CAB39L: variants seen among roughly 807,000 people sequenced by gnomAD.
The protein encoded by CAB39L is calcium binding protein 39 like.
CAB39L carries 23 observed loss-of-function variants against 39.1 expected under a neutral mutation model. That is an observed-to-expected ratio of 0.59 (90% confidence interval 0.42 to 0.83). The LOEUF (loss-of-function observed/expected upper bound fraction) is 0.83. Among genes scored for constraint, CAB39L ranks in the 40% least tolerant of loss-of-function variants. The pLI is 0.00. For synonymous variants in CAB39L, 126 were observed against 137.2 expected (o/e 0.92, Z 0.57); for missense variants, 366 against 391.9 (o/e 0.93, Z 0.56).
rs577639277 is a variant in CAB39L at position 49,320,778 on chromosome 13, A to G, written c.835-9785T>C. On this transcript the variant is annotated intron_variant, in intron 10 of 10. Coordinates refer to ENST00000409308, the MANE Select transcript of CAB39L (RefSeq NM_001079670.3). ...CCTTATTCATATGACTACACATCTG[A>G]GTAATAATTTAGAATATTTTGACAC... Among the ~76,000 whole-genome samples, 4 of 152,328 alleles carry G rather than the reference A, an allele frequency of 2.6e-5. No homozygotes were observed. The East Asian group carries it at 7.7e-4, about 29-fold the overall frequency.
At chr13:49,313,662 C>T (rs1954066822) in intron 10 of CAB39L, among the ~76,000 whole-genome samples, 1 of 152,176 alleles carries the variant, frequency 6.6e-6, no homozygotes, top group African/African-American at 2.4e-5. Flanking sequence ...AAAAGACACA[C>T]TCCTTAGTTA....
In CAB39L at chr13:49,321,456, C is replaced by T. The variant is rs117892660; in HGVS notation, c.835-10463G>A. 2.2e-4 allele frequency among the ~76,000 whole-genome samples: 33 copies of T among 152,290 alleles called. No homozygotes were observed. In the East Asian group the frequency reaches 5.4e-3, roughly 25 times the overall value. ...GAATTGTATTCTTTTATCTTGACAA[C>T]GGCTCTGGGAGGAAGATACAATTTT... On this transcript the variant is annotated intron_variant, in intron 10 of 10. Coordinates refer to ENST00000409308, the MANE Select transcript of CAB39L (RefSeq NM_001079670.3).
chr13:49,335,714 T>C (rs1233347841), intron 9 of CAB39L, among the ~76,000 whole-genome samples: 2 of 152,198 alleles, frequency 1.3e-5, no homozygotes, highest in Non-Finnish European at 2.9e-5. Flanking sequence ...TGAATTATAA[T>C]CTTTCTTGCT....
chr13:49,352,457 CAA>C (rs957717026), intron 6 of CAB39L, among the ~76,000 whole-genome samples: 1 of 145,784 alleles, frequency 6.9e-6, no homozygotes, highest in African/African-American at 2.5e-5. Context: ...GGGCCCCCTC[CAA>C]AAAAAAAAAT....
intron 6 of CAB39L, among the ~76,000 whole-genome samples, chr13:49,356,195 C>T (rs909754270): frequency 6.6e-6 from 1 of 152,086 alleles, no homozygotes; most frequent in Non-Finnish European, 1.5e-5. Flanking sequence ...AAGTACATCT[C>T]CTAATGTGAT....
chr13:49,426,221 G>GTC (rs756302154), intron 3 of CAB39L, among the ~76,000 whole-genome samples: 3 of 152,160 alleles, frequency 2.0e-5, no homozygotes, highest in Non-Finnish European at 4.4e-5. Context: ...GGATTGGTCA[G>GTC]TCACACCATT....
At chr13:49,393,367 A>G (rs776013524) in intron 3 of CAB39L, among the ~76,000 whole-genome samples, 4 of 152,066 alleles carry the variant, frequency 2.6e-5, no homozygotes, top group Admixed American at 6.6e-5. Context: ...AATTTCGAAA[A>G]TAGGATAATT....
intron 6 of CAB39L, among the ~76,000 whole-genome samples, chr13:49,356,573 T>A (rs946289065): frequency 6.6e-6 from 1 of 152,360 alleles, no homozygotes; most frequent in African/African-American, 2.4e-5. Context: ...AATTGCTTTT[T>A]GTCTTATATT....
At chr13:49,370,046 T>G (rs1237344292) in intron 5 of CAB39L, among the ~76,000 whole-genome samples, 1 of 152,134 alleles carries the variant, frequency 6.6e-6, no homozygotes, top group Non-Finnish European at 1.5e-5. Context: ...GCTGGTGTGT[T>G]GCGGGGGAGT....
At chr13:49,394,269 C>T (rs1455341734) in intron 3 of CAB39L, among the ~76,000 whole-genome samples, 4 of 151,822 alleles carry the variant, frequency 2.6e-5, no homozygotes, top group African/African-American at 9.7e-5. Context: ...TGAGGAATTA[C>T]AGTTAATGAA....
At chr13:49,318,642 GAAGGA>G (rs1166022751) in intron 10 of CAB39L, among the ~76,000 whole-genome samples, 10 of 38 alleles carry the variant, frequency 0.26, 5 homozygotes, top group African/African-American at 0.29. Flanking sequence ...AAGGGAAAGG[GAAGGA>G]AAGGAAAGGA....
At chr13:49,440,806 C>T (rs1183855559) in intron 1 of CAB39L, among the ~76,000 whole-genome samples, 1 of 144,286 alleles carries the variant, frequency 6.9e-6, no homozygotes, top group Admixed American at 7.0e-5. Flanking sequence ...CTCTCTGCTC[C>T]AACATTATTG....
intron 7 of CAB39L, among the ~76,000 whole-genome samples, chr13:49,345,111 C>G (rs1245294869): frequency 6.6e-6 from 1 of 152,094 alleles, no homozygotes; most frequent in Non-Finnish European, 1.5e-5. Context: ...AGGCTAAATG[C>G]CCTGTCTAGG....
intron 3 of CAB39L, 48 bp downstream of exon 3, chr13:49,433,270 T>A: frequency 2.4e-6 from 1 of 418,850 alleles, no homozygotes; most frequent in Non-Finnish European, 4.7e-6. Flanking sequence ...AGTCTACACG[T>A]CTGTCGAGAG....
At chr13:49,377,221 G>T in intron 4 of CAB39L, 90 bp from the exon 5 acceptor site, 1 of 1,022,820 alleles carries the variant, frequency 9.8e-7, no homozygotes, top group Non-Finnish European at 1.4e-6. Context: ...ACCACTTCTT[G>T]GTCTTGGGCT....
intron 3 of CAB39L, among the ~76,000 whole-genome samples, chr13:49,406,333 A>AATTTTTTTTTTTTTTT (rs1555264228): frequency 1.1e-5 from 1 of 90,632 alleles, no homozygotes; most frequent in African/African-American, 4.6e-5. Context: ...ATGCCCAGCT[A>AATTTTTTTTTTTTTTT]TTTTTTTTTT....
intron 3 of CAB39L, among the ~76,000 whole-genome samples, chr13:49,387,372 TTC>T (rs1196837742): frequency 6.6e-6 from 1 of 152,208 alleles, no homozygotes; most frequent in Non-Finnish European, 1.5e-5. Context: ...AGAACATACA[TTC>T]TGTTTCAGCA....
At chr13:49,342,494 T>C (rs1490346917) in intron 8 of CAB39L, among the ~76,000 whole-genome samples, 1 of 152,176 alleles carries the variant, frequency 6.6e-6, no homozygotes, top group African/African-American at 2.4e-5. Flanking sequence ...AACTTCTTGG[T>C]TTAGGCATCA....
At chr13:49,344,046 AG>A (rs1955075715) in intron 8 of CAB39L, 132 bp downstream of exon 8, 1 of 663,120 alleles carries the variant, frequency 1.5e-6, no homozygotes, top group East Asian at 2.9e-5. Flanking sequence ...CCTGGTTTCC[AG>A]GTAGACAAAT....
Sources: allele counts gnomAD v4.1 joint callset (sites outside exome capture counted in the v4.1 genomes callset), GRCh38; gene constraint gnomAD v4.1.1; transcripts MANE v1.5; gene names NCBI Gene and HGNC (gene_info 2026-07-23, HGNC 2026-07-21).